Variants in ARHGEF18 observed in about 807,000 individuals in gnomAD.
ARHGEF18 encodes the protein rho guanine nucleotide exchange factor 18.
ARHGEF18 carries 93 observed loss-of-function variants against 155.7 expected under a neutral mutation model. That is an observed-to-expected ratio of 0.60 (90% CI 0.50 to 0.71). The LOEUF is 0.71. Among genes scored for constraint, ARHGEF18 ranks in the 30% least tolerant of loss-of-function variants. The pLI is 0.00. For missense variants in ARHGEF18, 1,593 were observed against 1,816.1 expected (o/e 0.88, Z 2.23); for synonymous variants, 742 against 753.1 (o/e 0.99, Z 0.24).
At position 7,450,015 on chromosome 19, in the gene ARHGEF18, G is replaced by A. The variant is rs4804637; in HGVS notation, c.1738-1134G>A. 7.2e-5 allele frequency among the ~76,000 whole-genome samples: 11 copies of A among 152,078 alleles called. 1 individual carries two copies. In the East Asian group the frequency reaches 9.7e-4, roughly 13 times the overall value. Reference sequence around the variant, plus strand: ...TGTATATACAGCAGGTGATCCCTGCGTTCAGGTATCTGGTGTCTGTCTCCT... The same window carrying A: ...TGTATATACAGCAGGTGATCCCTGCATTCAGGTATCTGGTGTCTGTCTCCT... On this transcript the variant is annotated intron_variant, in intron 15 of 28. Coordinates refer to ENST00000668164, the MANE Select transcript of ARHGEF18 (RefSeq NM_001367823.1).
chr19:7,375,910 T>C, intron 4 of ARHGEF18, 40 bp downstream of exon 4: 1 of 1,233,734 alleles, frequency 8.1e-7, no homozygotes, highest in Admixed American at 4.2e-5. Flanking sequence ...ATAGCACACT[T>C]TTGGGTTTAG....
chr19:7,416,394 G>A (rs375256597), intron 10 of ARHGEF18, among the ~76,000 whole-genome samples: 15 of 152,150 alleles, frequency 9.9e-5, no homozygotes, highest in East Asian at 9.7e-4. Context: ...AGCCTGGGCA[G>A]CAGAGACCTC....
chr19:7,434,519 G>T (rs995025018), intron 10 of ARHGEF18, among the ~76,000 whole-genome samples: 1 of 152,124 alleles, frequency 6.6e-6, no homozygotes, highest in Non-Finnish European at 1.5e-5. Flanking sequence ...CTCACTAATC[G>T]ATCGCACCTC....
Position 7,440,153 on chromosome 19 carries a change from C to A in ARHGEF18, c.968-191C>A, listed in dbSNP as rs1479809786. The A allele has an allele frequency of 1.3e-6, 2 of 1,551,400 alleles. No homozygotes were observed. Among genetic ancestry groups the A allele is most frequent in the Non-Finnish European group, 1.7e-6 (2 of 1,146,952 alleles). Reference sequence around the variant, plus strand: ...GGGACAGGCACAGCGCGCTCCCCGGCCGCCCCGAGCTGTCTTTTTACGGCT... The same window carrying A: ...GGGACAGGCACAGCGCGCTCCCCGGACGCCCCGAGCTGTCTTTTTACGGCT... On this transcript the variant is annotated intron_variant, in intron 10 of 28. Transcript: ENST00000668164. The surrounding 1 kb of genome is among the most constrained non-coding windows in gnomAD (Gnocchi z 5.4).
rs140494987 is a variant in ARHGEF18, at chr19:7,463,859, G to A, written c.2677G>A (p.Ala893Thr). The change falls in exon 22 of 29, where the codon GCC (alanine) becomes ACC (threonine). Residue 893 changes from alanine (A) to threonine (T), a missense_variant. Physicochemically the swap from Ala to Thr is moderately conservative, Grantham distance 58. Coordinates refer to ENST00000668164, the MANE Select transcript of ARHGEF18 (RefSeq NM_001367823.1). This position sits in a 1 kb window ranked among gnomAD's most constrained non-coding sequence, Gnocchi z 5.2. ...CCTGATCTGCAGGCAGCTGGGCAGC[G>A]CCAACGGCCAGGCGGAAGACGGAGG... is the stretch of plus-strand genomic sequence containing the variant. Reference protein sequence around the residue: ...QSLICRQLGSANGQAEDGGSS... With the variant: ...QSLICRQLGSTNGQAEDGGSS... 1.9e-5 allele frequency: 30 copies of A among 1,605,414 alleles called. No homozygotes were observed. The highest frequency in any genetic ancestry group is 1.7e-4 in the Middle Eastern group (1 of 6,060).
At chr19:7,379,656 C>A (rs965402938) in intron 7 of ARHGEF18, among the ~76,000 whole-genome samples, 2 of 152,172 alleles carry the variant, frequency 1.3e-5, no homozygotes, top group African/African-American at 4.8e-5. Context: ...GAGGAGCAGG[C>A]TGCCACTGGC....
intron 13 of ARHGEF18, among the ~76,000 whole-genome samples, chr19:7,442,744 A>G (rs1465661996): frequency 6.6e-6 from 1 of 152,232 alleles, no homozygotes; most frequent in Admixed American, 6.5e-5. Flanking sequence ...TAGAAGCCAC[A>G]GAAGTTTATT....
At position 7,372,923 on chromosome 19, in the gene ARHGEF18, C is replaced by T. The variant is rs1298861144; in HGVS notation, c.127C>T (p.His43Tyr). 8.1e-7 allele frequency: 1 copy of T among 1,234,494 alleles called. No homozygotes were observed. Among genetic ancestry groups the T allele is most frequent in the Admixed American group, 4.2e-5 (1 of 23,710 alleles). 76.5% of individuals were successfully genotyped at this position (1,234,494 alleles called of 1,614,324 possible). ...LQDLGLGAPS[H>Y]SQPGETPDSR... Reference sequence around the variant, plus strand: ...GGACCTGGGCCTTGGGGCCCCTTCCCACAGCCAGCCTGGGGAGACCCCAGA... The same window carrying T: ...GGACCTGGGCCTTGGGGCCCCTTCCTACAGCCAGCCTGGGGAGACCCCAGA... Residue 43 changes from histidine (H) to tyrosine (Y), a missense_variant, in exon 3 of 29, where the codon CAC (histidine) becomes TAC (tyrosine). His to Tyr is a moderately conservative substitution (Grantham distance 83, BLOSUM62 2). Coordinates refer to ENST00000668164, the MANE Select transcript of ARHGEF18 (RefSeq NM_001367823.1).
At position 7,470,809 on chromosome 19, in the gene ARHGEF18, G is replaced by C. The variant is rs1463127032; in HGVS notation, c.*511G>C. 7.5e-6 allele frequency: 3 copies of C among 401,078 alleles called. No individual in the cohort carries two copies. The highest frequency in any genetic ancestry group is 1.3e-5 in the Non-Finnish European group (3 of 226,252). The allele number at this position is 401,078 out of a possible 1,614,324, so 24.8% of individuals were successfully genotyped here. On this transcript the variant is annotated 3_prime_UTR_variant, in exon 29 of 29. Transcript: ENST00000668164. This position sits in a 1 kb window ranked among gnomAD's most constrained non-coding sequence, Gnocchi z 5.9. ...GTGGCGTCGGCAGCATCTGTCCCCAGAATCAGGCAGAATCCACTTCCCAAA... is the reference window on the plus strand; with the variant it reads ...GTGGCGTCGGCAGCATCTGTCCCCACAATCAGGCAGAATCCACTTCCCAAA...
At chr19:7,450,812 T>C (rs1600490072) in intron 15 of ARHGEF18, among the ~76,000 whole-genome samples, 1 of 152,424 alleles carries the variant, frequency 6.6e-6, no homozygotes, top group East Asian at 1.9e-4. Flanking sequence ...TTCCGAGATG[T>C]TAATACGGGG....
intron 2 of ARHGEF18, among the ~76,000 whole-genome samples, chr19:7,372,255 C>T (rs898153468): frequency 1.1e-4 from 16 of 152,098 alleles, no homozygotes; most frequent in African/African-American, 3.9e-4. Flanking sequence ...AGGAAGGCAA[C>T]CTGGAGGGCA....
downstream of ARHGEF18, among the ~76,000 whole-genome samples, chr19:7,474,361 GTAAT>G (rs1012275527): frequency 1.2e-4 from 18 of 151,906 alleles, no homozygotes; most frequent in African/African-American, 3.9e-4. Flanking sequence ...AAAAAAGGAT[GTAAT>G]TAATTTATTA....
intron 2 of ARHGEF18, among the ~76,000 whole-genome samples, chr19:7,368,125 G>A (rs1292912160): frequency 6.6e-6 from 1 of 151,690 alleles, no homozygotes; most frequent in Non-Finnish European, 1.5e-5. Flanking sequence ...AATGGGACCA[G>A]GGACACATTA....
chr19:7,442,096 C>G (rs10424311), intron 13 of ARHGEF18, 44 bp downstream of exon 13: 595,125 of 1,601,556 alleles, frequency 0.37, 114,751 homozygotes, highest in East Asian at 0.58. Context: ...GCCCTCCACT[C>G]TCTTCTCTGC....
At chr19:7,443,192 A>C (rs1172842343) in intron 13 of ARHGEF18, among the ~76,000 whole-genome samples, 3 of 151,272 alleles carry the variant, frequency 2.0e-5, no homozygotes, top group Admixed American at 6.6e-5. Context: ...AAATAGCTGG[A>C]ATTACAGGCG....
rs1975048001 is a variant in ARHGEF18 at position 7,447,123 on chromosome 19, C to T, written c.1692C>T (p.Tyr564=). The T allele has an allele frequency of 1.2e-6, 2 of 1,613,402 alleles. No individual in the cohort carries two copies. Among genetic ancestry groups the T allele is most frequent in the Non-Finnish European group, 1.7e-6 (2 of 1,179,786 alleles). The stretch of plus-strand genomic sequence containing the variant: ...GCCACAATGAAGCTGTTAGTCATTA[C>T]AAGTTGCTGCTTCAGCAAAACAAGA... ...CSGHNEAVSH[Y]KLLLQQNKKF... The change falls in exon 15 of 29, where the codon TAC becomes TAT. Residue 564 remains tyrosine (Y), a synonymous_variant. Transcript: ENST00000668164.
At chr19:7,439,574 T>C in intron 10 of ARHGEF18, 2 of 621,808 alleles carry the variant, frequency 3.2e-6, no homozygotes, top group Non-Finnish European at 4.1e-6. Context: ...GACAGCGGTT[T>C]GCAGCCCCTG....
chr19:7,353,651 AT>A (rs1219580706), intron 1 of ARHGEF18, among the ~76,000 whole-genome samples: 2 of 151,398 alleles, frequency 1.3e-5, no homozygotes, highest in Non-Finnish European at 2.9e-5. Context: ...TCCCTGTTGT[AT>A]TTTTTTAAAG....
At chr19:7,351,355 G>A (rs1480680471) in intron 1 of ARHGEF18, among the ~76,000 whole-genome samples, 3 of 151,852 alleles carry the variant, frequency 2.0e-5, no homozygotes, top group African/African-American at 7.3e-5. Context: ...ATGGAGTCTT[G>A]TTCTATTGCC....
Sources: gnomAD v4.1 joint callset for allele counts (sites outside exome capture counted in the v4.1 genomes callset) on GRCh38, gnomAD v4.1.1 for gene constraint, Gnocchi (gnomAD v3.1) non-coding constraint, MANE v1.5 for transcripts, NCBI Gene and HGNC (gene_info 2026-07-23, HGNC 2026-07-21) for gene names.